GRID2: variants seen among roughly 807,000 people sequenced by gnomAD.
The protein encoded by GRID2 is glutamate ionotropic receptor delta type subunit 2.
GRID2 carries 33 observed loss-of-function variants against 114.8 expected under a neutral mutation model. The observed-to-expected ratio is 0.29, with a 90% CI of 0.22 to 0.38. GRID2 has a LOEUF of 0.38. Among genes scored for constraint, GRID2 ranks in the 10% least tolerant of loss-of-function variants. The probability of loss-of-function intolerance (pLI) is 1.00; values close to 1 mark genes in which losing one functional copy is unlikely to be tolerated. For missense variants in GRID2, 1,184 were observed against 1,257.7 expected (o/e 0.94, Z 0.89); for synonymous variants, 505 against 449.9 (o/e 1.12, Z -1.55).
intron 8 of GRID2, among the ~76,000 whole-genome samples, chr4:93,295,534 T>C (rs1219022061): frequency 6.6e-6 from 1 of 152,132 alleles, no homozygotes; most frequent in East Asian, 1.9e-4. Flanking sequence ...CAGGCTGGAA[T>C]TTTTGGGGAT....
intron 2 of GRID2, among the ~76,000 whole-genome samples, chr4:92,624,695 CAA>C (rs1034564290): frequency 1.3e-5 from 2 of 151,178 alleles, no homozygotes; most frequent in African/African-American, 2.4e-5. Context: ...AATCTTCAAC[CAA>C]AGGAAAAAAA....
At position 92,305,618 on chromosome 4, in the gene GRID2, G is replaced by C. The variant is rs1725353197; in HGVS notation, c.88+874G>C. ...TACTGCGGGCCGCGACTCTGAGAAG[G>C]ACTGCCGAGCGGGCTCCGAGATGCT... On this transcript the variant is annotated intron_variant, in intron 1 of 15. Transcript: ENST00000282020. Among the ~76,000 whole-genome samples the C allele has an allele frequency of 2.0e-5, 3 of 152,274 alleles. 1 individual carries two copies. Among genetic ancestry groups the C allele is most frequent in the Middle Eastern group, 6.8e-3 (2 of 294 alleles).
chr4:92,397,338 TTGTA>T (rs1411851545), intron 1 of GRID2, among the ~76,000 whole-genome samples: 47 of 124,276 alleles, frequency 3.8e-4, no homozygotes, highest in African/African-American at 1.4e-3. Flanking sequence ...CTCTGTGTGT[TTGTA>T]TGTGTGTGTG....
intron 13 of GRID2, among the ~76,000 whole-genome samples, chr4:93,590,060 A>G (rs1401787726): frequency 2.0e-5 from 3 of 150,496 alleles, no homozygotes; most frequent in Non-Finnish European, 4.5e-5. Context: ...TAGTTTAATT[A>G]GATCCCATTT....
At chr4:93,595,027 G>T (rs1372290494) in intron 13 of GRID2, among the ~76,000 whole-genome samples, 3 of 152,146 alleles carry the variant, frequency 2.0e-5, no homozygotes, top group Non-Finnish European at 4.4e-5. Context: ...CATCGCTCAG[G>T]CTGGGAGCTG....
intron 1 of GRID2, among the ~76,000 whole-genome samples, chr4:92,544,790 T>C (rs1053558896): frequency 6.6e-6 from 1 of 152,174 alleles, no homozygotes; most frequent in Non-Finnish European, 1.5e-5. Context: ...ACATGCATAG[T>C]ATTTGTGAAA....
intron 2 of GRID2, among the ~76,000 whole-genome samples, chr4:92,840,779 A>G (rs1364622283): frequency 6.6e-6 from 1 of 152,082 alleles, no homozygotes; most frequent in Non-Finnish European, 1.5e-5. Context: ...TCCAAGTTCA[A>G]AATCAAAGGA....
At position 93,612,850 on chromosome 4, in the gene GRID2, C is replaced by T. The variant is rs1295777498; in HGVS notation, c.2194-13419C>T. Among the ~76,000 whole-genome samples the T allele has an allele frequency of 4.8e-3, 615 of 128,632 alleles. 4 individuals are homozygous for T. The highest frequency in any genetic ancestry group is 7.3e-3 in the Non-Finnish European group (428 of 58,730). 84.4% of individuals were successfully genotyped at this position (128,632 alleles called of 152,430 possible). Reference sequence around the variant, plus strand: ...GTTCTCTGTATTTCCTGAATCTGAACGTTGGCCTGCCTTGCTAGATTGGGG... The same window carrying T: ...GTTCTCTGTATTTCCTGAATCTGAATGTTGGCCTGCCTTGCTAGATTGGGG... On this transcript the variant is annotated intron_variant, in intron 13 of 15. Transcript: ENST00000282020.
At chr4:93,555,080 A>G (rs1189092473) in intron 13 of GRID2, among the ~76,000 whole-genome samples, 2 of 152,112 alleles carry the variant, frequency 1.3e-5, no homozygotes, top group Non-Finnish European at 2.9e-5. Context: ...TGTGGCCCAG[A>G]TACTATGCTT....
intron 1 of GRID2, among the ~76,000 whole-genome samples, chr4:92,476,547 C>A (rs1722323405): frequency 6.6e-6 from 1 of 151,960 alleles, no homozygotes. Context: ...ATTAGATATC[C>A]TTCACTCTGT....
At chr4:93,712,361 A>G (rs573813778) in intron 14 of GRID2, among the ~76,000 whole-genome samples, 4 of 152,150 alleles carry the variant, frequency 2.6e-5, no homozygotes, top group Non-Finnish European at 5.9e-5. Context: ...AACAAATTAC[A>G]CTATCATCAT....
At chr4:93,405,025 A>T (rs574406451) in intron 9 of GRID2, among the ~76,000 whole-genome samples, 231 of 152,188 alleles carry the variant, frequency 1.5e-3, no homozygotes, top group African/African-American at 5.2e-3. Flanking sequence ...GTATGATGTA[A>T]ATAATATTCA....
At chr4:93,115,330 T>C (rs972255320) in intron 4 of GRID2, among the ~76,000 whole-genome samples, 4 of 151,802 alleles carry the variant, frequency 2.6e-5, no homozygotes, top group Admixed American at 1.3e-4. Flanking sequence ...ATCCTGCCAC[T>C]GTTCCTCAAA....
chr4:92,801,340 C>T (rs1214948618), intron 2 of GRID2, among the ~76,000 whole-genome samples: 3 of 151,920 alleles, frequency 2.0e-5, no homozygotes, highest in African/African-American at 4.8e-5. Context: ...GCATATTAAT[C>T]ATATGGATGA....
chr4:93,428,064 A>G (rs769669154), intron 10 of GRID2, among the ~76,000 whole-genome samples: 2 of 152,054 alleles, frequency 1.3e-5, no homozygotes, highest in Non-Finnish European at 2.9e-5. Context: ...ATAACTCTGA[A>G]TTAGATACAG....
intron 1 of GRID2, among the ~76,000 whole-genome samples, chr4:92,574,530 G>C (rs1341767597): frequency 6.9e-6 from 1 of 145,840 alleles, no homozygotes; most frequent in African/African-American, 2.5e-5. Context: ...ACATTTTCTT[G>C]TCTGAAAACG....
chr4:93,690,681 C>T (rs1726479071), intron 14 of GRID2, among the ~76,000 whole-genome samples: 2 of 151,718 alleles, frequency 1.3e-5, no homozygotes, highest in Middle Eastern at 6.8e-3. Context: ...ATACCCTTAC[C>T]CCTTTTCACT....
chr4:92,687,070 A>C (rs1733940790), intron 2 of GRID2, among the ~76,000 whole-genome samples: 1 of 152,180 alleles, frequency 6.6e-6, no homozygotes. Flanking sequence ...TCATAAATTA[A>C]CTACAGCATC....
intron 8 of GRID2, among the ~76,000 whole-genome samples, chr4:93,288,535 A>G (rs548749597): frequency 2.0e-5 from 3 of 152,250 alleles, no homozygotes; most frequent in Non-Finnish European, 2.9e-5. Flanking sequence ...ATGGAGTCTA[A>G]CTGCCTCAGG....
Sources: gnomAD v4.1 joint callset for allele counts (sites outside exome capture counted in the v4.1 genomes callset) on GRCh38, gnomAD v4.1.1 for gene constraint, MANE v1.5 for transcripts, NCBI Gene and HGNC (gene_info 2026-07-23, HGNC 2026-07-21) for gene names.